Variants in KIAA1671 observed in about 807,000 individuals in gnomAD.
KIAA1671 encodes the protein KIAA1671.
KIAA1671 carries 52 observed loss-of-function variants against 131.2 expected under a neutral mutation model. That is an observed-to-expected ratio of 0.40 (90% CI 0.32 to 0.50). KIAA1671 has a LOEUF of 0.50. KIAA1671 is among the 20% of genes least tolerant of loss of function. KIAA1671 has a pLI of 0.73. For synonymous variants in KIAA1671, 1,003 were observed against 961.6 expected (o/e 1.04, Z -0.80); for missense variants, 2,360 against 2,364.2 (o/e 1.00, Z 0.04).
intron 6 of KIAA1671, among the ~76,000 whole-genome samples, chr22:25,099,559 T>C (rs1194952504): frequency 3.5e-5 from 2 of 57,006 alleles, no homozygotes; most frequent in Admixed American, 3.0e-4. Flanking sequence ...TTTTTTTTTT[T>C]TTTTTTTTTT....
chr22:25,114,158 A>G (rs1362461775), intron 6 of KIAA1671, among the ~76,000 whole-genome samples: 1 of 152,206 alleles, frequency 6.6e-6, no homozygotes, highest in Admixed American at 6.5e-5. Flanking sequence ...GAGTGTAAAT[A>G]CATGCTAAAT....
chr22:24,973,398 T>TTTTG (rs1569195659), intron 1 of KIAA1671, among the ~76,000 whole-genome samples: 3 of 95,236 alleles, frequency 3.2e-5, no homozygotes, highest in Admixed American at 9.8e-5. Context: ...GGTTTTTTTT[T>TTTTG]TTTTTTTTTT....
At chr22:25,171,576 G>A (rs1012977538) in intron 7 of KIAA1671, among the ~76,000 whole-genome samples, 17 of 152,104 alleles carry the variant, frequency 1.1e-4, no homozygotes, top group African/African-American at 3.6e-4. Flanking sequence ...TTAGCTGGGT[G>A]TGGTGGTGGG....
chr22:25,086,620 C>T (rs991465792), intron 6 of KIAA1671, among the ~76,000 whole-genome samples: 2 of 152,196 alleles, frequency 1.3e-5, no homozygotes, highest in African/African-American at 4.8e-5. Context: ...CTGGGTGGAC[C>T]TCGCCCATCT....
In KIAA1671 at chr22:25,122,756, C is replaced by T. The variant is rs6004443; in HGVS notation, c.4531-48064C>T. 3.5e-3 allele frequency among the ~76,000 whole-genome samples: 540 copies of T among 152,266 alleles called. 2 individuals are homozygous for T. Among genetic ancestry groups the T allele is most frequent in the African/African-American group, 0.012 (512 of 41,544 alleles). On this transcript the variant is annotated intron_variant, in intron 6 of 12. Coordinates refer to ENST00000358431, the MANE Select transcript of KIAA1671 (RefSeq NM_001145206.2). ...TTGGGAGGCCGAGGCGGGCCGATCA[C>T]GAGGTCAGGAGATCGAGACCATCCT...
chr22:25,143,951 C>T (rs1304741385), intron 6 of KIAA1671, among the ~76,000 whole-genome samples: 1 of 151,604 alleles, frequency 6.6e-6, no homozygotes, highest in Non-Finnish European at 1.5e-5. Flanking sequence ...TGGGAGGATC[C>T]CTTGAGTCCA....
intron 6 of KIAA1671, chr22:25,110,960 G>A (rs1931305547): frequency 6.6e-6 from 1 of 152,434 alleles, no homozygotes; most frequent in Non-Finnish European, 1.5e-5. Flanking sequence ...TGTCTCACCT[G>A]GATCAGTGTT....
intron 6 of KIAA1671, among the ~76,000 whole-genome samples, chr22:25,157,249 G>A (rs190608379): frequency 7.9e-5 from 12 of 152,270 alleles, no homozygotes; most frequent in Non-Finnish European, 1.3e-4. Flanking sequence ...ATCTCTCCTC[G>A]TCCTCTAGTC....
Position 25,049,350 on chromosome 22 carries a change from A to C in KIAA1671, c.4516A>C (p.Ser1506Arg), listed in dbSNP as rs1602098235. 16 of 1,550,788 alleles carry C rather than the reference A, an allele frequency of 1.0e-5. No homozygotes were observed. Among genetic ancestry groups the C allele is most frequent in the East Asian group, 2.4e-5 (1 of 40,862 alleles). Residue 1506 changes from serine (S) to arginine (R), a missense_variant, in exon 6 of 13, where the codon AGT becomes CGT. Ser to Arg is a moderately radical substitution (Grantham distance 110, BLOSUM62 -1). Transcript: ENST00000358431. ...CCACAGCTTCTGCAAAGACAGGAGG[A>C]GTGGGCCCTTTGTGGTGAGTGATGC... ...RSHSFCKDRR[S>R]GPFVDQLKQC...
intron 6 of KIAA1671, chr22:25,062,022 T>C (rs182484373): frequency 5.5e-4 from 84 of 151,604 alleles, no homozygotes; most frequent in African/African-American, 2.0e-3. Context: ...TTTTATCTCT[T>C]CCTCCCTTTT....
rs1270822751 is a variant in KIAA1671, at chr22:25,019,094, T to TG, written c.-207-6539_-207-6538insG. Among the ~76,000 whole-genome samples, 479 of 117,336 alleles carry TG rather than the reference T, an allele frequency of 4.1e-3. 4 individuals are homozygous for TG. The highest frequency in any genetic ancestry group is 6.0e-3 in the Non-Finnish European group (359 of 59,762). The allele number at this position is 117,336 out of a possible 152,430, so 77.0% of individuals were successfully genotyped here. A position where few individuals can be genotyped will look rare whatever the true frequency, so the allele number is the denominator to read the frequency against. The stretch of plus-strand genomic sequence containing the variant: ...TGTGTGTGTGTGTGTGTGTGTGTGT[T>TG]TTAATTAAGTAATAGCCACTCTCAT... On this transcript the variant is annotated intron_variant, in intron 1 of 12. Coordinates refer to ENST00000358431, the MANE Select transcript of KIAA1671 (RefSeq NM_001145206.2).
rs555713153 is a variant in KIAA1671 at position 25,166,112 on chromosome 22, G to A, written c.4531-4708G>A. On this transcript the variant is annotated intron_variant, in intron 6 of 12. Coordinates refer to ENST00000358431, the MANE Select transcript of KIAA1671 (RefSeq NM_001145206.2). ...CGAAGGATGCCAGGGGAGGTCCCTC[G>A]GAAGCTGCCGCCGTGGGTGAACAGA... Among the ~76,000 whole-genome samples the A allele has an allele frequency of 8.9e-4, 136 of 152,332 alleles. 1 individual carries two copies. Among genetic ancestry groups the A allele is most frequent in the African/African-American group, 3.2e-3 (134 of 41,578 alleles).
At chr22:25,091,187 A>G (rs997492554) in intron 6 of KIAA1671, among the ~76,000 whole-genome samples, 2 of 152,016 alleles carry the variant, frequency 1.3e-5, no homozygotes, top group African/African-American at 4.8e-5. Flanking sequence ...CCTCCCGAGT[A>G]GCTGGAATTA....
At chr22:25,029,628 T>G in intron 3 of KIAA1671, 88 bp downstream of exon 3, 1 of 952,418 alleles carries the variant, frequency 1.0e-6, no homozygotes, top group South Asian at 1.8e-5. Flanking sequence ...TGGGCACTTG[T>G]CACCCCCCCT....
chr22:25,139,514 T>C (rs1932775439), intron 6 of KIAA1671, among the ~76,000 whole-genome samples: 1 of 152,204 alleles, frequency 6.6e-6, no homozygotes, highest in South Asian at 2.1e-4. Flanking sequence ...AAAGATGTGG[T>C]AAGGCTTTAA....
In KIAA1671 at chr22:24,966,482, C is replaced by G. The variant is rs1186066220; in HGVS notation, c.-208+13710C>G. 2.6e-5 allele frequency among the ~76,000 whole-genome samples: 4 copies of G among 152,310 alleles called. No individual in the cohort carries two copies. The South Asian group carries it at 8.3e-4, about 32-fold the overall frequency. On this transcript the variant is annotated intron_variant, in intron 1 of 12. Transcript: ENST00000358431. ...GCTGGGGAGTGGCTTGGTTAGGGAACTCCCAGTGCCCTTTGGCCTGGGAAG... is the reference window on the plus strand; with the variant it reads ...GCTGGGGAGTGGCTTGGTTAGGGAAGTCCCAGTGCCCTTTGGCCTGGGAAG...
chr22:25,057,821 T>A, intron 6 of KIAA1671: 1 of 152,468 alleles, frequency 6.6e-6, no homozygotes, highest in Non-Finnish European at 1.5e-5. Context: ...TTGTATTTTT[T>A]GTAGAGACAG....
At chr22:25,000,044 C>T (rs571381011) in intron 1 of KIAA1671, among the ~76,000 whole-genome samples, 1 of 151,824 alleles carries the variant, frequency 6.6e-6, no homozygotes, top group Non-Finnish European at 1.5e-5. Context: ...GCCACCACGC[C>T]CAGCTAATTT....
chr22:25,054,736 AGT>A (rs1308139124), intron 6 of KIAA1671: 3 of 147,924 alleles, frequency 2.0e-5, no homozygotes, highest in African/African-American at 5.1e-5. Context: ...ATTTGTGTAA[AGT>A]CTCCCTGGAG....
Sources: allele counts gnomAD v4.1 joint callset (sites outside exome capture counted in the v4.1 genomes callset), GRCh38; gene constraint gnomAD v4.1.1; transcripts MANE v1.5; gene names NCBI Gene and HGNC (gene_info 2026-07-23, HGNC 2026-07-21).